RIT2: variants seen among roughly 807,000 people sequenced by gnomAD.
RIT2 encodes the protein GTP-binding protein Rit2.
In RIT2, 24 loss-of-function variants were observed where a neutral mutation model predicts 23.7. The ratio of observed to expected loss-of-function variants is 1.01; its 90% CI spans 0.73 to 1.43. The LOEUF (loss-of-function observed/expected upper bound fraction) is 1.43, where lower values mean the gene tolerates loss of function less well. RIT2 is among the 40% of genes most tolerant of loss of function. RIT2 has a pLI of 0.00. For missense variants in RIT2, 236 were observed against 266.9 expected (o/e 0.88, Z 0.81); for synonymous variants, 107 against 91.1 (o/e 1.17, Z -0.99).
At chr18:42,789,969 C>T (rs987866692) in intron 4 of RIT2, among the ~76,000 whole-genome samples, 3 of 152,070 alleles carry the variant, frequency 2.0e-5, no homozygotes, top group Admixed American at 6.5e-5. Flanking sequence ...TTATAATACA[C>T]GACCCTTATT....
intron 4 of RIT2, among the ~76,000 whole-genome samples, chr18:42,836,968 A>C (rs630915): frequency 0.25 from 37,702 of 151,606 alleles, 5,813 homozygotes; most frequent in East Asian, 0.42. Flanking sequence ...ACTAATGCAT[A>C]ATTTTTCAAA....
chr18:43,019,243 G>A (rs1489942764), intron 2 of RIT2, among the ~76,000 whole-genome samples: 2 of 151,576 alleles, frequency 1.3e-5, no homozygotes, highest in African/African-American at 4.8e-5. Flanking sequence ...AACAACAAAA[G>A]TGCAGGCCAA....
At chr18:43,057,115 T>C (rs1019325708) in intron 1 of RIT2, among the ~76,000 whole-genome samples, 20 of 151,946 alleles carry the variant, frequency 1.3e-4, no homozygotes, top group African/African-American at 4.8e-4. Flanking sequence ...AGATATAGAA[T>C]ATTGAGTTAT....
chr18:43,113,870 G>A (rs8095229), intron 1 of RIT2, among the ~76,000 whole-genome samples: 8,967 of 151,820 alleles, frequency 0.059, 825 homozygotes, highest in African/African-American at 0.2. Flanking sequence ...AATGTGGATT[G>A]GTCTTTTGCC....
chr18:42,921,146 T>C (rs1333448157), intron 4 of RIT2, among the ~76,000 whole-genome samples: 1 of 152,140 alleles, frequency 6.6e-6, no homozygotes, highest in Non-Finnish European at 1.5e-5. Flanking sequence ...GGTTACAAGA[T>C]AAAAGTGTGA....
At chr18:42,795,781 G>A (rs1000750216) in intron 4 of RIT2, among the ~76,000 whole-genome samples, 1 of 152,188 alleles carries the variant, frequency 6.6e-6, no homozygotes, top group African/African-American at 2.4e-5. Context: ...CTCAAGGTTT[G>A]TAAACACACC....
chr18:43,008,609 TA>T (rs1395073909), intron 2 of RIT2, among the ~76,000 whole-genome samples: 4 of 151,368 alleles, frequency 2.6e-5, no homozygotes, highest in African/African-American at 9.7e-5. Context: ...ATAAAAGAGC[TA>T]AAGTAGAATA....
chr18:42,925,548 G>A (rs1221380262), intron 3 of RIT2, among the ~76,000 whole-genome samples: 1 of 151,820 alleles, frequency 6.6e-6, no homozygotes, highest in Non-Finnish European at 1.5e-5. Flanking sequence ...TAAAGTTTAT[G>A]CTACTTTCTG....
chr18:42,794,811 G>C (rs1455075796), intron 4 of RIT2, among the ~76,000 whole-genome samples: 14 of 152,162 alleles, frequency 9.2e-5, no homozygotes, highest in Non-Finnish European at 4.4e-5. Context: ...AGAAATCTTT[G>C]AGGACTGCCT....
At chr18:43,087,116 A>T (rs1429608338) in intron 1 of RIT2, among the ~76,000 whole-genome samples, 1 of 151,946 alleles carries the variant, frequency 6.6e-6, no homozygotes, top group African/African-American at 2.4e-5. Flanking sequence ...TGGGTGTGGT[A>T]GCAGGCATGA....
chr18:42,775,059 T>C (rs910992755), intron 4 of RIT2, among the ~76,000 whole-genome samples: 1 of 152,206 alleles, frequency 6.6e-6, no homozygotes, highest in African/African-American at 2.4e-5. Context: ...TCAGTTTATA[T>C]TGATATAACA....
intron 4 of RIT2, among the ~76,000 whole-genome samples, chr18:42,873,635 A>T (rs974879923): frequency 6.6e-6 from 1 of 152,154 alleles, no homozygotes; most frequent in African/African-American, 2.4e-5. Flanking sequence ...TTTTAAAAAA[A>T]GATGAGAATA....
At chr18:42,866,067 G>C (rs1907461311) in intron 4 of RIT2, among the ~76,000 whole-genome samples, 1 of 152,136 alleles carries the variant, frequency 6.6e-6, no homozygotes, top group South Asian at 2.1e-4. Flanking sequence ...TTTGTGTAAA[G>C]CCATCTCACA....
At chr18:42,795,556 G>T (rs1905319979) in intron 4 of RIT2, among the ~76,000 whole-genome samples, 1 of 152,236 alleles carries the variant, frequency 6.6e-6, no homozygotes, top group Non-Finnish European at 1.5e-5. Context: ...TCCCGGATGA[G>T]CGCAGCCCCC....
intron 2 of RIT2, among the ~76,000 whole-genome samples, chr18:43,015,586 T>A (rs1313998899): frequency 6.6e-6 from 1 of 151,710 alleles, no homozygotes; most frequent in African/African-American, 2.4e-5. Flanking sequence ...ATTTTTGAGA[T>A]TGTCTGGAGA....
At chr18:42,971,950 G>A (rs758529042) in intron 3 of RIT2, among the ~76,000 whole-genome samples, 1 of 151,920 alleles carries the variant, frequency 6.6e-6, no homozygotes, top group Non-Finnish European at 1.5e-5. Flanking sequence ...GCACCACACT[G>A]GGGACCAGGT....
chr18:42,766,521 C>T (rs1475392141), intron 4 of RIT2, among the ~76,000 whole-genome samples: 2 of 152,104 alleles, frequency 1.3e-5, no homozygotes, highest in Non-Finnish European at 2.9e-5. Flanking sequence ...TAAAGGCCTT[C>T]AGTTTTATAA....
At chr18:42,761,230 T>A (rs542008904) in intron 4 of RIT2, among the ~76,000 whole-genome samples, 1 of 152,314 alleles carries the variant, frequency 6.6e-6, no homozygotes, top group African/African-American at 2.4e-5. Context: ...TCCTTGGACT[T>A]GTCTTTTTTT....
intron 1 of RIT2, among the ~76,000 whole-genome samples, chr18:43,105,508 G>C (rs1913799955): frequency 6.6e-6 from 1 of 151,600 alleles, no homozygotes; most frequent in African/African-American, 2.4e-5. Flanking sequence ...AAGGGAGGGA[G>C]GGAGGGAGGG....
Sources: gnomAD v4.1 joint callset for allele counts (sites outside exome capture counted in the v4.1 genomes callset) on GRCh38, gnomAD v4.1.1 for gene constraint, MANE v1.5 for transcripts, NCBI Gene and HGNC (gene_info 2026-07-23, HGNC 2026-07-21) for gene names.